HIVEP2: variants seen among roughly 807,000 people sequenced by gnomAD.
HIVEP2 encodes the protein HIVEP zinc finger 2, also known as transcription factor HIVEP2.
Under a neutral mutation model 180.7 loss-of-function variants are expected in HIVEP2, and 14 were observed. The ratio of observed to expected loss-of-function variants is 0.08; its 90% confidence interval spans 0.05 to 0.12. The LOEUF is 0.12. Ranked by LOEUF, HIVEP2 falls within the 10% of genes least tolerant of loss-of-function variation. HIVEP2 has a pLI of 1.00. For synonymous variants in HIVEP2, 1,184 were observed against 1,136.4 expected (o/e 1.04, Z -0.84); for missense variants, 2,579 against 3,008.5 (o/e 0.86, Z 3.34).
At chr6:142,907,330 C>G (rs1777289476) in intron 1 of HIVEP2, among the ~76,000 whole-genome samples, 1 of 152,104 alleles carries the variant, frequency 6.6e-6, no homozygotes, top group Non-Finnish European at 1.5e-5. Flanking sequence ...ATAAAACCAG[C>G]TGCTGCTTTC....
At chr6:142,867,609 A>G (rs198669) in intron 1 of HIVEP2, among the ~76,000 whole-genome samples, 96,253 of 152,058 alleles carry the variant, frequency 0.63, 30,909 homozygotes, top group African/African-American at 0.68. Flanking sequence ...TAAGAAAGTG[A>G]CATAAATACA....
intron 2 of HIVEP2, among the ~76,000 whole-genome samples, chr6:142,821,502 C>A (rs546202594): frequency 2.0e-5 from 3 of 152,140 alleles, no homozygotes; most frequent in Non-Finnish European, 4.4e-5. Flanking sequence ...CTAACCTCTC[C>A]GTGCCTCAGT....
intron 1 of HIVEP2, among the ~76,000 whole-genome samples, chr6:142,926,577 T>C (rs932728591): frequency 1.3e-5 from 2 of 152,282 alleles, no homozygotes; most frequent in Non-Finnish European, 2.9e-5. Flanking sequence ...TCAGCGCTCC[T>C]GGGCACCATC....
At chr6:142,784,887 C>T (rs1165764593) in intron 2 of HIVEP2, among the ~76,000 whole-genome samples, 1 of 152,022 alleles carries the variant, frequency 6.6e-6, no homozygotes, top group Admixed American at 6.6e-5. Flanking sequence ...ATATCTCTAT[C>T]TATCTATCTA....
At chr6:142,931,216 A>G (rs1777936216) in intron 1 of HIVEP2, among the ~76,000 whole-genome samples, 1 of 151,898 alleles carries the variant, frequency 6.6e-6, no homozygotes, top group African/African-American at 2.4e-5. Flanking sequence ...AATTTTTTTA[A>G]TTGTTATTAA....
chr6:142,756,038 A>G (rs546555817), intron 9 of HIVEP2, among the ~76,000 whole-genome samples: 4 of 152,332 alleles, frequency 2.6e-5, no homozygotes, highest in South Asian at 4.1e-4. Context: ...CAGTAAGAAA[A>G]TTTTGTCGTG....
chr6:142,765,235 A>G (rs547116485), intron 6 of HIVEP2, among the ~76,000 whole-genome samples: 2 of 152,348 alleles, frequency 1.3e-5, no homozygotes, highest in South Asian at 4.1e-4. Context: ...GTGAATTTAT[A>G]GAGTTGGGAA....
chr6:142,821,502 C>T (rs546202594), intron 2 of HIVEP2, among the ~76,000 whole-genome samples: 18 of 152,258 alleles, frequency 1.2e-4, no homozygotes, highest in African/African-American at 3.9e-4. Flanking sequence ...CTAACCTCTC[C>T]GTGCCTCAGT....
intron 2 of HIVEP2, among the ~76,000 whole-genome samples, chr6:142,800,311 C>T (rs570516391): frequency 6.6e-6 from 1 of 152,252 alleles, no homozygotes; most frequent in African/African-American, 2.4e-5. Context: ...ACTTACTAAG[C>T]ACCTCTGCCT....
chr6:142,838,309 C>T (rs1427946352), intron 1 of HIVEP2, among the ~76,000 whole-genome samples: 1 of 152,094 alleles, frequency 6.6e-6, no homozygotes, highest in African/African-American at 2.4e-5. Context: ...TTAGGAAACT[C>T]ATTTGGACAT....
At chr6:142,768,342 C>A (rs1262045817) in intron 6 of HIVEP2, 40 bp downstream of exon 6, 17 of 1,587,070 alleles carry the variant, frequency 1.1e-5, no homozygotes, top group Non-Finnish European at 1.4e-5. Context: ...TTACTCTGAC[C>A]TATAACTGCA....
At chr6:142,757,920 T>C (rs1775119676) in intron 9 of HIVEP2, among the ~76,000 whole-genome samples, 2 of 152,248 alleles carry the variant, frequency 1.3e-5, no homozygotes, top group Admixed American at 6.5e-5. Flanking sequence ...AATCGCATGT[T>C]TGCAGTTGAC....
chr6:142,816,141 G>C (rs1776828365), intron 2 of HIVEP2, among the ~76,000 whole-genome samples: 1 of 152,138 alleles, frequency 6.6e-6, no homozygotes, highest in East Asian at 1.9e-4. Context: ...AGATTGCTAT[G>C]AGCTAATGTC....
At chr6:142,938,592 T>C (rs1399470092) in intron 1 of HIVEP2, among the ~76,000 whole-genome samples, 1 of 152,250 alleles carries the variant, frequency 6.6e-6, no homozygotes, top group Admixed American at 6.5e-5. Context: ...CACCTATGGT[T>C]TTCTATGATT....
intron 2 of HIVEP2, among the ~76,000 whole-genome samples, chr6:142,784,318 G>A (rs952284749): frequency 1.3e-5 from 2 of 151,732 alleles, no homozygotes; most frequent in African/African-American, 2.4e-5. Context: ...TAAAAAAATC[G>A]CCCTTTTGTC....
intron 1 of HIVEP2, among the ~76,000 whole-genome samples, chr6:142,849,157 G>A (rs889414777): frequency 6.6e-6 from 1 of 152,150 alleles, no homozygotes; most frequent in Non-Finnish European, 1.5e-5. Context: ...TGTGTTTTAT[G>A]ATCTTAGAGA....
chr6:142,887,840 G>A (rs932005293), intron 1 of HIVEP2, among the ~76,000 whole-genome samples: 6 of 151,558 alleles, frequency 4.0e-5, no homozygotes, highest in Admixed American at 1.3e-4. Context: ...GAGTATGTGC[G>A]TTTATCTTTC....
At position 142,771,622 on chromosome 6, in the gene HIVEP2, G is replaced by A. The variant is rs1008343221; in HGVS notation, c.3117C>T (p.His1039=). ...TCCGAACTTCTGGGACTTCCGCTGG[G>A]TGAGGACAAGGCATCTGCTCTGATG... ...RCSSEQMPCP[H]PAEVPEVRSK... The change falls in exon 5 of 10, where the codon CAC becomes CAT. Residue 1039 remains histidine, a synonymous_variant. Transcript: ENST00000367603. This position sits in a 1 kb window ranked among gnomAD's most constrained non-coding sequence, Gnocchi z 5.4. The A allele has an allele frequency of 3.1e-6, 5 of 1,614,062 alleles. No individual in the cohort carries two copies. The African/African-American group carries it at 4.0e-5, about 13-fold the overall frequency.
chr6:142,821,236 A>G (rs1777027946), intron 2 of HIVEP2, among the ~76,000 whole-genome samples: 1 of 152,176 alleles, frequency 6.6e-6, no homozygotes, highest in African/African-American at 2.4e-5. Flanking sequence ...AGACAGCTCC[A>G]GCAGACTGGG....
Sources: gnomAD v4.1 joint callset for allele counts (sites outside exome capture counted in the v4.1 genomes callset) on GRCh38, gnomAD v4.1.1 for gene constraint, Gnocchi (gnomAD v3.1) non-coding constraint, MANE v1.5 for transcripts, NCBI Gene and HGNC (gene_info 2026-07-23, HGNC 2026-07-21) for gene names.